KIF27: variants seen among roughly 807,000 people sequenced by gnomAD.
KIF27 encodes the protein kinesin-like protein KIF27.
A neutral mutation model predicts 141.8 loss-of-function variants in KIF27; 84 were observed. The ratio of observed to expected loss-of-function variants is 0.59; its 90% CI spans 0.50 to 0.71. The LOEUF is 0.71. Among genes scored for constraint, KIF27 ranks in the 30% least tolerant of loss-of-function variants. The probability of loss-of-function intolerance (pLI) is 0.00; values close to 1 mark genes in which losing one functional copy is unlikely to be tolerated. For missense variants in KIF27, 1,306 were observed against 1,628.4 expected (o/e 0.80, Z 3.41); for synonymous variants, 471 against 569.5 (o/e 0.83, Z 2.46).
intron 11 of KIF27, among the ~76,000 whole-genome samples, chr9:83,875,718 C>T (rs1389455557): frequency 1.3e-5 from 2 of 152,006 alleles, no homozygotes; most frequent in Admixed American, 6.6e-5. Flanking sequence ...CACTTCAAGA[C>T]GGAGGGAGTG....
intron 10 of KIF27, 30 bp downstream of exon 10, chr9:83,883,783 A>G: frequency 6.7e-7 from 1 of 1,490,730 alleles, no homozygotes; most frequent in Non-Finnish European, 9.3e-7. Flanking sequence ...AAGCTTAAAT[A>G]AGTTTTCTCA....
In KIF27 at chr9:83,867,764, G is replaced by T; in HGVS notation, c.2854C>A (p.Arg952=). The T allele has an allele frequency of 6.2e-7, 1 of 1,613,234 alleles. No individual in the cohort carries two copies. Among genetic ancestry groups the T allele is most frequent in the Non-Finnish European group, 8.5e-7 (1 of 1,179,642 alleles). The change falls in exon 13 of 18, where the codon CGG becomes AGG. Residue 952 remains arginine, a synonymous_variant. Transcript: ENST00000297814. Reference sequence around the variant, plus strand: ...TCCTTCTTAGAAACTATGGCCTCCCGTTTCTTTAAGTCTGCTTCCAGCTCC... The same window carrying T: ...TCCTTCTTAGAAACTATGGCCTCCCTTTTCTTTAAGTCTGCTTCCAGCTCC... ...LEELEADLKK[R]EAIVSKKEAL... is the part of the protein sequence containing the mutation.
At chr9:83,866,266 A>C (rs1005822292) in intron 13 of KIF27, among the ~76,000 whole-genome samples, 4 of 151,272 alleles carry the variant, frequency 2.6e-5, no homozygotes, top group African/African-American at 9.7e-5. Flanking sequence ...TAAAAAAGGA[A>C]AACATCTAAA....
intron 14 of KIF27, among the ~76,000 whole-genome samples, chr9:83,856,108 G>A (rs977499283): frequency 5.3e-5 from 8 of 152,078 alleles, no homozygotes; most frequent in African/African-American, 1.9e-4. Context: ...CTTTATGATA[G>A]AGCACTGCTT....
At position 83,852,432 on chromosome 9, in the gene KIF27, G is replaced by A. The variant is rs572398944; in HGVS notation, c.3357+1197C>T. 4.7e-3 allele frequency among the ~76,000 whole-genome samples: 703 copies of A among 148,516 alleles called. 2 individuals are homozygous for A. The highest frequency in any genetic ancestry group is 0.014 in the African/African-American group (546 of 40,172). ...CACGCCACTGCACTCCAGCCTGGGC[G>A]ACAGAGCGAGACTCTGTCTCAAAAA... On this transcript the variant is annotated intron_variant, in intron 15 of 17. Coordinates refer to ENST00000297814, the MANE Select transcript of KIF27 (RefSeq NM_017576.4).
intron 5 of KIF27, among the ~76,000 whole-genome samples, chr9:83,893,654 A>C (rs1952894402): frequency 6.6e-6 from 1 of 151,902 alleles, no homozygotes; most frequent in Non-Finnish European, 1.5e-5. Flanking sequence ...ACTCACAAAG[A>C]AGAGAAGCTA....
intron 5 of KIF27, among the ~76,000 whole-genome samples, chr9:83,892,818 G>T (rs945174924): frequency 4.6e-5 from 7 of 152,180 alleles, no homozygotes; most frequent in African/African-American, 1.7e-4. Flanking sequence ...AGGTAAAAAT[G>T]ATTAAAAGAG....
rs1202797238 is a variant in KIF27 at position 83,837,271 on chromosome 9, G to C, written c.3936C>G (p.Pro1312=). The part of the protein sequence containing the change: ...LPPIHSSLAP[P]SGHMLGNENK... ...TCTCATTACCTAACATATGCCCACT[G>C]GGGGGTGCTAAAGAACTATGAATTG... The change falls in exon 18 of 18, where the codon CCC becomes CCG. Residue 1312 remains proline (P), a synonymous_variant. Coordinates refer to ENST00000297814, the MANE Select transcript of KIF27 (RefSeq NM_017576.4). 1.9e-6 allele frequency: 3 copies of C among 1,606,302 alleles called. No individual in the cohort carries two copies.
intron 2 of KIF27, among the ~76,000 whole-genome samples, chr9:83,911,071 T>C (rs1955105770): frequency 6.6e-6 from 1 of 152,194 alleles, no homozygotes; most frequent in Non-Finnish European, 1.5e-5. Flanking sequence ...TTTTTTCTTT[T>C]CTTTTTCTTT....
rs1945960676 is a variant in KIF27 at position 83,837,196 on chromosome 9, C to T, written c.4011G>A (p.Leu1337=). 1 of 1,614,188 alleles carries T rather than the reference C, an allele frequency of 6.2e-7. No individual in the cohort carries two copies. Among genetic ancestry groups the T allele is most frequent in the Admixed American group, 1.7e-5 (1 of 60,028 alleles). Residue 1337 remains leucine (L), a synonymous_variant, in exon 18 of 18, where the codon CTG becomes CTA. Coordinates refer to ENST00000297814, the MANE Select transcript of KIF27 (RefSeq NM_017576.4). The stretch of plus-strand genomic sequence containing the variant: ...TTCCCACAACCTGAATTTGGGATGA[C>T]AGTCGACTGTGAGATTTTGTAAACT... ...DNQFTKSHSR[L]SSQIQVVGNV... is the part of the protein sequence containing the mutation.
chr9:83,864,092 A>G (rs948314316), intron 13 of KIF27, among the ~76,000 whole-genome samples: 1 of 152,070 alleles, frequency 6.6e-6, no homozygotes, highest in South Asian at 2.1e-4. Context: ...TCTTACTAGC[A>G]GTCCATCAAT....
chr9:83,913,761 A>G (rs1955422579), intron 2 of KIF27, among the ~76,000 whole-genome samples: 1 of 152,210 alleles, frequency 6.6e-6, no homozygotes, highest in African/African-American at 2.4e-5. Context: ...ACATTGTTAA[A>G]TGCAAAAAGA....
At chr9:83,861,357 G>A (rs993815098) in intron 13 of KIF27, among the ~76,000 whole-genome samples, 2 of 151,226 alleles carry the variant, frequency 1.3e-5, no homozygotes, top group Admixed American at 6.6e-5. Context: ...AGGCCCCGGT[G>A]TGTGATGTTC....
At chr9:83,852,538 C>A (rs1286968279) in intron 15 of KIF27, among the ~76,000 whole-genome samples, 2 of 152,072 alleles carry the variant, frequency 1.3e-5, no homozygotes, top group Non-Finnish European at 2.9e-5. Context: ...GCACTCTCAT[C>A]AATAACAATA....
At chr9:83,884,170 T>A (rs1588156330) in intron 9 of KIF27, 152 bp from the exon 10 acceptor site, 1 of 533,814 alleles carries the variant, frequency 1.9e-6, no homozygotes, top group Non-Finnish European at 3.2e-6. Flanking sequence ...CCCACCCCCA[T>A]CAAACACAGC....
intron 5 of KIF27, among the ~76,000 whole-genome samples, chr9:83,894,465 G>A (rs1342338782): frequency 6.6e-6 from 1 of 152,204 alleles, no homozygotes; most frequent in African/African-American, 2.4e-5. Context: ...TAAACACTCT[G>A]ATTATACTGA....
chr9:83,848,132 C>CATATATATGATATATCTGATATATCAT (rs200035673), intron 16 of KIF27, among the ~76,000 whole-genome samples: 1 of 38,018 alleles, frequency 2.6e-5, no homozygotes, highest in Non-Finnish European at 4.9e-5. Flanking sequence ...TCTGATATCT[C>CATATATATGATATATCTGATATATCAT]ATATATGATA....
rs34391682 is a variant in KIF27, at chr9:83,916,662, C to CT, written c.-87-985dup. The stretch of plus-strand genomic sequence containing the variant: ...TTGGTAACTACATTTACAATGAACA[C>CT]TTTTTTTTTTTTTTTTTTTGAGACG... On this transcript the variant is annotated intron_variant, in intron 1 of 17. Coordinates refer to ENST00000297814, the MANE Select transcript of KIF27 (RefSeq NM_017576.4). Among the ~76,000 whole-genome samples the CT allele has an allele frequency of 5.2e-3, 645 of 122,984 alleles. 11 individuals carry two copies. The highest frequency in any genetic ancestry group is 0.016 in the African/African-American group (508 of 32,516). 80.7% of individuals were successfully genotyped at this position (122,984 alleles called of 152,430 possible). A position where few individuals can be genotyped will look rare whatever the true frequency, so the allele number is the denominator to read the frequency against.
At chr9:83,884,180 C>T (rs1951904119) in intron 9 of KIF27, among the ~76,000 whole-genome samples, 162 bp from the exon 10 acceptor site, 1 of 152,150 alleles carries the variant, frequency 6.6e-6, no homozygotes, top group Admixed American at 6.5e-5. Context: ...TCAAACACAG[C>T]TTGCCATCAG....
Sources: allele counts gnomAD v4.1 joint callset (sites outside exome capture counted in the v4.1 genomes callset), GRCh38; gene constraint gnomAD v4.1.1; transcripts MANE v1.5; gene names NCBI Gene and HGNC (gene_info 2026-07-23, HGNC 2026-07-21).